The following POF1B variants were observed in gnomAD, a reference collection of about 807,000 sequenced individuals.
The protein encoded by POF1B is POF1B actin binding protein.
Under a neutral mutation model 55.3 loss-of-function variants are expected in POF1B, and 53 were observed. The ratio of observed to expected loss-of-function variants is 0.96; its 90% CI spans 0.77 to 1.20. The LOEUF is 1.20. Among genes scored for constraint, POF1B ranks in the 50% most tolerant of loss-of-function variants. The pLI is 0.00. For missense variants in POF1B, 478 were observed against 420.5 expected, an observed-to-expected ratio of 1.14 and a Z score of -1.20; for synonymous variants, 188 against 148.3, an observed-to-expected ratio of 1.27 and a Z score of -1.95.
In POF1B at chrX:85,306,248, T is replaced by C. The variant is rs1230658262; in HGVS notation, c.1250A>G (p.Tyr417Cys). ...SLRHTLSDME[Y>C]RLKELEYCKR... ...ACAATATTCCAGTTCTTTTAGTCTG[T>C]ATTCCATGTCTGATAGTGTATGTCG... Residue 417 changes from tyrosine to cysteine, a missense_variant, in exon 12 of 17, where the codon TAC becomes TGC. Coordinates refer to ENST00000262753, the MANE Select transcript of POF1B (RefSeq NM_024921.4). The C allele has an allele frequency of 1.7e-6, 2 of 1,202,449 alleles. No individual in the cohort carries two copies. Among genetic ancestry groups the C allele is most frequent in the Non-Finnish European group, 2.3e-6 (2 of 888,554 alleles).
Position 85,320,792 on chromosome X carries a change from C to G in POF1B, c.855-5058G>C, listed in dbSNP as rs149967480. Among the ~76,000 whole-genome samples, 782 of 111,351 alleles carry G rather than the reference C, an allele frequency of 7.0e-3. 5 individuals carry two copies. Among genetic ancestry groups the G allele is most frequent in the African/African-American group, 0.024 (736 of 30,631 alleles). On this transcript the variant is annotated intron_variant, in intron 7 of 16. Coordinates refer to ENST00000262753, the MANE Select transcript of POF1B (RefSeq NM_024921.4). ...CCAATCCCACAGAAATACAAACTAC[C>G]ATCAGAGAATATTACAAACACCTCT...
chrX:85,286,441 CT>C (rs1394658201), intron 15 of POF1B, among the ~76,000 whole-genome samples: 1 of 111,332 alleles, frequency 9.0e-6, no homozygotes, highest in African/African-American at 3.3e-5. Context: ...AAATTTAAAT[CT>C]ATCCATATAG....
At chrX:85,375,436 C>A (rs1050873245) in intron 2 of POF1B, among the ~76,000 whole-genome samples, 2 of 111,325 alleles carry the variant, frequency 1.8e-5, no homozygotes, top group African/African-American at 6.5e-5. Flanking sequence ...ATTTATCAGA[C>A]CTCCGTTAAA....
chrX:85,292,512 C>T (rs1385735254), intron 15 of POF1B, among the ~76,000 whole-genome samples: 1 of 111,958 alleles, frequency 8.9e-6, no homozygotes. Flanking sequence ...CAGGAATGGT[C>T]CCAGCTCCTC....
intron 2 of POF1B, among the ~76,000 whole-genome samples, chrX:85,372,914 G>A (rs767299187): frequency 9.2e-6 from 1 of 108,142 alleles, no homozygotes; most frequent in African/African-American, 3.3e-5. Context: ...ATGCTTTTGA[G>A]TAGCTCAGTG....
At chrX:85,315,521 A>G (rs944541202) in intron 8 of POF1B, among the ~76,000 whole-genome samples, 186 bp downstream of exon 8, 12 of 111,286 alleles carry the variant, frequency 1.1e-4, no homozygotes, top group Non-Finnish European at 1.9e-4. Context: ...AATAATTACT[A>G]GTTTTATAGC....
At chrX:85,331,212 AT>A (rs1219921101) in intron 6 of POF1B, 133 bp from the exon 7 acceptor site, 18 of 611,237 alleles carry the variant, frequency 2.9e-5, no homozygotes, top group Admixed American at 5.0e-5. Context: ...TCAGGGATAC[AT>A]TTTTTAATGT....
intron 9 of POF1B, among the ~76,000 whole-genome samples, chrX:85,310,698 G>A (rs1489883249): frequency 1.8e-5 from 2 of 111,292 alleles, no homozygotes; most frequent in East Asian, 5.7e-4. Flanking sequence ...TGGCTGAGAA[G>A]TTTCCCAAAT....
intron 15 of POF1B, among the ~76,000 whole-genome samples, chrX:85,283,433 A>C (rs1410428054): frequency 9.0e-6 from 1 of 111,131 alleles, no homozygotes; most frequent in Non-Finnish European, 1.9e-5. Context: ...ACATTAAAAA[A>C]ATTAGGTGGA....
At chrX:85,374,195 T>C (rs868638923) in intron 2 of POF1B, among the ~76,000 whole-genome samples, 1 of 111,993 alleles carries the variant, frequency 8.9e-6, no homozygotes, top group Middle Eastern at 4.6e-3. Flanking sequence ...GCTTCATAGT[T>C]CTATTCTGCC....
chrX:85,282,903 G>T (rs2147888150), intron 15 of POF1B, among the ~76,000 whole-genome samples: 1 of 110,927 alleles, frequency 9.0e-6, no homozygotes, highest in African/African-American at 3.3e-5. Context: ...GGAGCAGGCT[G>T]GCAATTTTGG....
intron 15 of POF1B, among the ~76,000 whole-genome samples, chrX:85,291,774 A>T (rs751161498): frequency 2.7e-5 from 3 of 111,064 alleles, no homozygotes; most frequent in Non-Finnish European, 5.7e-5. Context: ...TTGATTTTGT[A>T]TCCTGAGACT....
intron 7 of POF1B, among the ~76,000 whole-genome samples, chrX:85,330,201 C>T (rs1291193641): frequency 9.1e-6 from 1 of 109,739 alleles, no homozygotes. Context: ...GTCTCATCTA[C>T]ACATGAACAG....
chrX:85,309,428 C>T (rs890104916), intron 9 of POF1B, among the ~76,000 whole-genome samples: 1 of 110,022 alleles, frequency 9.1e-6, no homozygotes, highest in East Asian at 2.9e-4. Flanking sequence ...CAGCTAAAAA[C>T]CCTGGACATT....
At chrX:85,328,453 C>G (rs972041921) in intron 7 of POF1B, among the ~76,000 whole-genome samples, 4 of 110,844 alleles carry the variant, frequency 3.6e-5, no homozygotes, top group African/African-American at 1.3e-4. Flanking sequence ...ATCCGCCCGC[C>G]TTGGCCTCCC....
At chrX:85,328,630 T>C (rs1312159269) in intron 7 of POF1B, among the ~76,000 whole-genome samples, 1 of 111,133 alleles carries the variant, frequency 9.0e-6, no homozygotes, top group African/African-American at 3.3e-5. Flanking sequence ...GTTTAGTGGT[T>C]CTCAAACTTG....
chrX:85,360,527 G>GTGTGTATATATATATA (rs1555988251), intron 3 of POF1B, among the ~76,000 whole-genome samples: 2 of 58,524 alleles, frequency 3.4e-5, no homozygotes, highest in African/African-American at 1.0e-4. Context: ...TCCATGGTAT[G>GTGTGTATATATATATA]TATATATATA....
intron 7 of POF1B, among the ~76,000 whole-genome samples, chrX:85,330,237 T>G (rs2147924612): frequency 9.0e-6 from 1 of 110,519 alleles, no homozygotes; most frequent in South Asian, 3.7e-4. Flanking sequence ...TGAATATCTA[T>G]TTAAATCTAT....
chrX:85,303,469 T>G lies in POF1B; in HGVS notation c.1586A>C (p.Gln529Pro). The G allele has an allele frequency of 1.7e-6, 2 of 1,182,147 alleles. No homozygotes were observed. Among genetic ancestry groups the G allele is most frequent in the Non-Finnish European group, 2.3e-6 (2 of 872,490 alleles). Residue 529 changes from glutamine (Q) to proline (P), a missense_variant, in exon 15 of 17, where the codon CAA becomes CCA. Gln to Pro is a moderately conservative substitution (Grantham distance 76). Transcript: ENST00000262753. ...TTGGTTATGAGAGGAATATATTTCT[T>G]GCCGCAACTTGGAGAGTTCCTTACA... ...RQSEELSKLR[Q>P]EIYSSHNQPS...
Sources: allele counts gnomAD v4.1 joint callset (sites outside exome capture counted in the v4.1 genomes callset), GRCh38; gene constraint gnomAD v4.1.1; transcripts MANE v1.5; gene names NCBI Gene and HGNC (gene_info 2026-07-23, HGNC 2026-07-21).